The following SFXN5 variants were observed in gnomAD, a reference collection of about 807,000 sequenced individuals.
SFXN5 encodes sideroflexin-5.
A neutral mutation model predicts 50.2 loss-of-function variants in SFXN5; 43 were observed. The observed-to-expected ratio is 0.86, with a 90% CI of 0.67 to 1.11. The LOEUF (loss-of-function observed/expected upper bound fraction) is 1.11, where lower values mean the gene tolerates loss of function less well. Among genes scored for constraint, SFXN5 ranks in the 50% least tolerant of loss-of-function variants. The probability of loss-of-function intolerance (pLI) is 0.00; values close to 1 mark genes in which losing one functional copy is unlikely to be tolerated. For synonymous variants in SFXN5, 203 were observed against 185.8 expected, an observed-to-expected ratio of 1.09 and a Z score of -0.75; for missense variants, 463 against 454.1, an observed-to-expected ratio of 1.02 and a Z score of -0.18.
intron 2 of SFXN5, among the ~76,000 whole-genome samples, chr2:73,052,921 T>C (rs781547862): frequency 6.6e-6 from 1 of 152,246 alleles, no homozygotes; most frequent in South Asian, 2.1e-4. Flanking sequence ...CTCATGCCTG[T>C]AATCCCAGCA....
chr2:73,041,043 T>C, intron 2 of SFXN5, 112 bp from the exon 3 acceptor site: 1 of 719,468 alleles, frequency 1.4e-6, no homozygotes, highest in Non-Finnish European at 2.2e-6. Flanking sequence ...GCTTTGGGCC[T>C]GCCCTCAGTT....
At chr2:72,997,759 T>C (rs1195948366) in intron 9 of SFXN5, 1 of 152,050 alleles carries the variant, frequency 6.6e-6, no homozygotes, top group African/African-American at 2.4e-5. Flanking sequence ...AGACTAATTT[T>C]TGTATTTTTT....
chr2:72,949,169 C>T (rs1051681627), intron 13 of SFXN5, among the ~76,000 whole-genome samples: 17 of 151,954 alleles, frequency 1.1e-4, no homozygotes, highest in Non-Finnish European at 2.1e-4. Flanking sequence ...TTCTGGGAGG[C>T]GGGGCAATGT....
chr2:72,968,498 C>A lies in SFXN5; in HGVS notation c.777G>T (p.Leu259=). The change falls in exon 12 of 14, where the codon CTG becomes CTT. Residue 259 remains leucine, a synonymous_variant. Coordinates refer to ENST00000272433, the MANE Select transcript of SFXN5 (RefSeq NM_144579.3). Reference sequence around the variant, plus strand: ...GGGGTAGCACCAGGATGGGCATGGGCAGGACCACTCGCGTCAGCGCCGTCT... The same window carrying A: ...GGGGTAGCACCAGGATGGGCATGGGAAGGACCACTCGCGTCAGCGCCGTCT... ...LLETALTRVV[L]PMPILVLPPI... 6.2e-7 allele frequency: 1 copy of A among 1,613,308 alleles called. No individual in the cohort carries two copies. Among genetic ancestry groups the A allele is most frequent in the South Asian group, 1.1e-5 (1 of 91,038 alleles).
intron 10 of SFXN5, among the ~76,000 whole-genome samples, chr2:72,972,698 G>A (rs941012027): frequency 1.3e-5 from 2 of 152,238 alleles, no homozygotes; most frequent in African/African-American, 2.4e-5. Flanking sequence ...GTGGGCAGGT[G>A]GGGAGTGGGG....
At chr2:73,008,376 G>A (rs565396619) in intron 6 of SFXN5, among the ~76,000 whole-genome samples, 1 of 152,042 alleles carries the variant, frequency 6.6e-6, no homozygotes, top group East Asian at 1.9e-4. Context: ...GAGAGGGGAG[G>A]GAAGCAGTGC....
At position 72,999,001 on chromosome 2, in the gene SFXN5, G is replaced by T; in HGVS notation, c.482C>A (p.Ser161Tyr). 1 of 1,614,156 alleles carries T rather than the reference G, an allele frequency of 6.2e-7. No individual in the cohort carries two copies. The highest frequency in any genetic ancestry group is 1.1e-5 in the South Asian group (1 of 91,052). The change falls in exon 9 of 14, where the codon TCC (serine) becomes TAC (tyrosine). Residue 161 changes from serine to tyrosine, a missense_variant. Ser to Tyr is a moderately radical substitution (Grantham distance 144, BLOSUM62 -2). Coordinates refer to ENST00000272433, the MANE Select transcript of SFXN5 (RefSeq NM_144579.3). ...TCCCAGGTATCCCTGGATGAACTTG[G>T]ATGCAGGTGAAGGCTGGAAAACAGA... Reference protein sequence around the residue: ...NRNATKPSPASKFIQGYLGAV... With the variant: ...NRNATKPSPAYKFIQGYLGAV...
chr2:72,973,745 G>A lies in SFXN5; in HGVS notation c.626-2060C>T, dbSNP rs985597387. Among the ~76,000 whole-genome samples the A allele has an allele frequency of 6.6e-6, 1 of 152,194 alleles. No individual in the cohort carries two copies. The highest frequency in any genetic ancestry group is 2.4e-5 in the African/African-American group (1 of 41,444). On this transcript the variant is annotated intron_variant, in intron 10 of 13. Transcript: ENST00000272433. This position sits in a 1 kb window ranked among gnomAD's most constrained non-coding sequence, Gnocchi z 5.5. ...GGGCCCAGAAGGGTCCCCCAGGGTA[G>A]CCTTGGGAAGCAGCCACCTGGCCTC...
At chr2:73,058,444 C>T in intron 2 of SFXN5, 84 bp downstream of exon 2, 8 of 1,342,134 alleles carry the variant, frequency 6.0e-6, no homozygotes, top group Non-Finnish European at 8.6e-6. Flanking sequence ...CTCCCCCATC[C>T]TCACCCTCCC....
rs892231652 is a variant in SFXN5 at position 72,950,753 on chromosome 2, A to G, written c.946-5654T>C. Among the ~76,000 whole-genome samples, 3 of 152,350 alleles carry G rather than the reference A, an allele frequency of 2.0e-5. No homozygotes were observed. The highest frequency in any genetic ancestry group is 7.2e-5 in the African/African-American group (3 of 41,578). ...AGTGACTCAGGTCTGAGCAAAGGCAATAAAGCATCTCTTCCTGCTGCCCAA... is the reference window on the plus strand; with the variant it reads ...AGTGACTCAGGTCTGAGCAAAGGCAGTAAAGCATCTCTTCCTGCTGCCCAA... On this transcript the variant is annotated intron_variant, in intron 13 of 13. Coordinates refer to ENST00000272433, the MANE Select transcript of SFXN5 (RefSeq NM_144579.3). This position sits in a 1 kb window ranked among gnomAD's most constrained non-coding sequence, Gnocchi z 4.2.
At chr2:73,046,465 T>C (rs747076884) in intron 2 of SFXN5, among the ~76,000 whole-genome samples, 23 of 150,202 alleles carry the variant, frequency 1.5e-4, no homozygotes, top group Non-Finnish European at 3.0e-4. Context: ...AAGCAAAAGA[T>C]AGGAAACAAC....
intron 10 of SFXN5, among the ~76,000 whole-genome samples, chr2:72,983,146 G>C (rs1374201564): frequency 6.6e-6 from 1 of 152,312 alleles, no homozygotes; most frequent in Admixed American, 6.5e-5. Flanking sequence ...AGGGTGGACT[G>C]AGCACAAAGG....
In SFXN5 at chr2:73,026,830, G is replaced by A. The variant is rs563412301; in HGVS notation, c.250-3616C>T. On this transcript the variant is annotated intron_variant, in intron 3 of 13. Coordinates refer to ENST00000272433, the MANE Select transcript of SFXN5 (RefSeq NM_144579.3). ...TGCAACCTCCACCTCCCAGGTTCAA[G>A]CGATTCTCCTGCCTCAGCCTCCCGA... Among the ~76,000 whole-genome samples, 3 of 152,216 alleles carry A rather than the reference G, an allele frequency of 2.0e-5. No homozygotes were observed. The East Asian group carries it at 5.8e-4, about 29-fold the overall frequency.
At chr2:73,024,872 A>G (rs554855647) in intron 3 of SFXN5, among the ~76,000 whole-genome samples, 3 of 152,362 alleles carry the variant, frequency 2.0e-5, no homozygotes, top group Admixed American at 6.5e-5. Context: ...TAGTAAAAAT[A>G]GAAGTTATAA....
rs946893848 is a variant in SFXN5 at position 72,973,436 on chromosome 2, T to C, written c.626-1751A>G. 3 of 169,160 alleles carry C rather than the reference T, an allele frequency of 1.8e-5. No individual in the cohort carries two copies. Among genetic ancestry groups the C allele is most frequent in the Non-Finnish European group, 2.9e-5 (2 of 68,248 alleles). 10.5% of individuals were successfully genotyped at this position (169,160 alleles called of 1,614,324 possible). On this transcript the variant is annotated intron_variant, in intron 10 of 13. Coordinates refer to ENST00000272433, the MANE Select transcript of SFXN5 (RefSeq NM_144579.3). This position sits in a 1 kb window ranked among gnomAD's most constrained non-coding sequence, Gnocchi z 5.5. ...GGGGTTGCTGCAGGCATCTGGTGGA[T>C]AGAGGCCAGAGGTGCTGCTAAACAT...
chr2:72,990,612 G>A (rs946319357), intron 9 of SFXN5, among the ~76,000 whole-genome samples: 1 of 152,192 alleles, frequency 6.6e-6, no homozygotes, highest in African/African-American at 2.4e-5. Context: ...CCACAACAAG[G>A]CTTTTAGATA....
At chr2:72,986,590 A>C (rs1480178097) in intron 10 of SFXN5, among the ~76,000 whole-genome samples, 2 of 151,970 alleles carry the variant, frequency 1.3e-5, no homozygotes, top group East Asian at 1.9e-4. Flanking sequence ...ACAGATGGGG[A>C]GCTCTGCTGT....
chr2:73,069,394 G>T (rs1289763592), intron 1 of SFXN5, among the ~76,000 whole-genome samples: 1 of 152,188 alleles, frequency 6.6e-6, no homozygotes, highest in African/African-American at 2.4e-5. Flanking sequence ...CATTTAAAGG[G>T]TGAGGGAGAA....
chr2:73,045,419 C>T (rs777030058), intron 2 of SFXN5, among the ~76,000 whole-genome samples: 1 of 151,966 alleles, frequency 6.6e-6, no homozygotes, highest in African/African-American at 2.4e-5. Flanking sequence ...CTGAGTCCAG[C>T]GTAACACAGA....
Sources: gnomAD v4.1 joint callset for allele counts (sites outside exome capture counted in the v4.1 genomes callset) on GRCh38, gnomAD v4.1.1 for gene constraint, Gnocchi (gnomAD v3.1) non-coding constraint, MANE v1.5 for transcripts, NCBI Gene and HGNC (gene_info 2026-07-23, HGNC 2026-07-21) for gene names.